The following PPP6R3 variants were observed in gnomAD, a reference collection of about 807,000 sequenced individuals.
PPP6R3 encodes the protein protein phosphatase 6 regulatory subunit 3, also known as serine/threonine-protein phosphatase 6 regulatory subunit 3.
Under a neutral mutation model 110.7 loss-of-function variants are expected in PPP6R3, and 38 were observed. The ratio of observed to expected loss-of-function variants is 0.34; its 90% CI spans 0.26 to 0.45. The LOEUF is 0.45. Among genes scored for constraint, PPP6R3 ranks in the 20% least tolerant of loss-of-function variants. The pLI is 1.00. For missense variants in PPP6R3, 870 were observed against 1,062.4 expected, an observed-to-expected ratio of 0.82 and a Z score of 2.52; for synonymous variants, 369 against 373.5, an observed-to-expected ratio of 0.99 and a Z score of 0.14.
intron 21 of PPP6R3, 52 bp from the exon 22 acceptor site, chr11:68,603,290 C>T: frequency 1.2e-6 from 2 of 1,603,110 alleles, no homozygotes; most frequent in Non-Finnish European, 1.7e-6. Context: ...TGGTGGGGTG[C>T]CAGTTCCTTT....
At chr11:68,519,145 A>G (rs2099151407) in intron 1 of PPP6R3, among the ~76,000 whole-genome samples, 1 of 152,210 alleles carries the variant, frequency 6.6e-6, no homozygotes, top group African/African-American at 2.4e-5. Context: ...ATTTTTTAGT[A>G]AAAGTGTGGT....
chr11:68,564,304 T>C lies in PPP6R3; in HGVS notation c.847T>C (p.Phe283Leu). Residue 283 changes from phenylalanine to leucine, a missense_variant and splice_region_variant, in exon 9 of 24, where the codon TTT becomes CTT. Phe to Leu is a conservative substitution (Grantham distance 22). Transcript: ENST00000393800. ...LTLLETRRPT[F>L]EGHIEICPPG... ...TAAAATTCCTTGCTTTGTTTCAAGA[T>C]TTGAAGGCCATATAGAGATCTGCCC... The C allele has an allele frequency of 3.1e-6, 5 of 1,603,744 alleles. No individual in the cohort carries two copies. Among genetic ancestry groups the C allele is most frequent in the Non-Finnish European group, 4.3e-6 (5 of 1,174,866 alleles).
chr11:68,481,894 G>A (rs1406173306), intron 1 of PPP6R3, among the ~76,000 whole-genome samples: 1 of 152,044 alleles, frequency 6.6e-6, no homozygotes, highest in Non-Finnish European at 1.5e-5. Flanking sequence ...TGAGTGTGAG[G>A]TAGTCATCTT....
intron 1 of PPP6R3, among the ~76,000 whole-genome samples, chr11:68,515,557 A>G (rs1266446994): frequency 6.6e-6 from 1 of 152,282 alleles, no homozygotes; most frequent in Non-Finnish European, 1.5e-5. Flanking sequence ...TCACAAAGTT[A>G]TCCAGTCAAT....
intron 1 of PPP6R3, among the ~76,000 whole-genome samples, chr11:68,466,453 T>G (rs917687497): frequency 9.5e-5 from 14 of 147,990 alleles, no homozygotes; most frequent in African/African-American, 2.8e-4. Flanking sequence ...TTTTTTTTTT[T>G]GTTGAGACGG....
chr11:68,564,558 A>G (rs1308705779), intron 9 of PPP6R3, 126 bp downstream of exon 9: 6 of 1,025,024 alleles, frequency 5.9e-6, no homozygotes, highest in South Asian at 1.9e-5. Flanking sequence ...GAGTGAAAAG[A>G]TAACACTGCC....
rs1384850913 is a variant in PPP6R3 at position 68,615,177 on chromosome 11, G to T, written c.*2060G>T. On this transcript the variant is annotated 3_prime_UTR_variant, in exon 24 of 24. Transcript: ENST00000393800. Reference sequence around the variant, plus strand: ...AGGACAGTTCTTTTGGAGGTTGGAGGGGCCAAGCCAAGGACAGGAGCAAGT... The same window carrying T: ...AGGACAGTTCTTTTGGAGGTTGGAGTGGCCAAGCCAAGGACAGGAGCAAGT... The T allele has an allele frequency of 2.5e-5, 11 of 442,496 alleles. No individual in the cohort carries two copies. Among genetic ancestry groups the T allele is most frequent in the Non-Finnish European group, 4.6e-5 (10 of 218,244 alleles). 27.4% of individuals were successfully genotyped at this position (442,496 alleles called of 1,614,324 possible).
intron 3 of PPP6R3, among the ~76,000 whole-genome samples, chr11:68,542,361 G>A (rs764786831): frequency 1.4e-5 from 2 of 142,164 alleles, no homozygotes; most frequent in South Asian, 2.3e-4. Flanking sequence ...GTGGAGTGGA[G>A]GCATCTTTGG....
At chr11:68,553,049 C>A (rs1185772249) in intron 6 of PPP6R3, among the ~76,000 whole-genome samples, 3 of 152,154 alleles carry the variant, frequency 2.0e-5, no homozygotes, top group Non-Finnish European at 4.4e-5. Context: ...ATGCTAGGCT[C>A]CTGATTCCAG....
chr11:68,609,396 G>A, intron 22 of PPP6R3: 1 of 703,302 alleles, frequency 1.4e-6, no homozygotes, highest in South Asian at 1.5e-5. Context: ...AGCTGATGGG[G>A]TCTGTCTTGC....
At chr11:68,590,536 T>C in intron 16 of PPP6R3, 124 bp from the exon 17 acceptor site, 5 of 1,116,732 alleles carry the variant, frequency 4.5e-6, no homozygotes, top group African/African-American at 1.6e-5. Flanking sequence ...TTTCTGTTTG[T>C]TTTTTATTTA....
intron 1 of PPP6R3, among the ~76,000 whole-genome samples, chr11:68,492,824 G>A (rs1165886725): frequency 1.3e-5 from 2 of 152,130 alleles, no homozygotes; most frequent in Non-Finnish European, 2.9e-5. Context: ...AAGCATTGTT[G>A]GTTGCTTAAA....
At chr11:68,523,491 G>T (rs755833100) in intron 2 of PPP6R3, among the ~76,000 whole-genome samples, 2 of 152,150 alleles carry the variant, frequency 1.3e-5, no homozygotes, top group African/African-American at 2.4e-5. Context: ...CCTAAGTTAT[G>T]GTCCTTTTTT....
chr11:68,600,316 A>T (rs555592868), intron 19 of PPP6R3, 25 bp from the exon 20 acceptor site: 1 of 1,607,704 alleles, frequency 6.2e-7, no homozygotes, highest in Non-Finnish European at 8.5e-7. Flanking sequence ...GTGTTTTCCA[A>T]ATAGAATTTC....
intron 2 of PPP6R3, among the ~76,000 whole-genome samples, chr11:68,529,082 T>C (rs910688412): frequency 6.6e-6 from 1 of 152,240 alleles, no homozygotes; most frequent in African/African-American, 2.4e-5. Flanking sequence ...TTCTAGTTTT[T>C]TGTCCACATT....
At chr11:68,514,438 CTG>C (rs2099125957) in intron 1 of PPP6R3, among the ~76,000 whole-genome samples, 1 of 151,964 alleles carries the variant, frequency 6.6e-6, no homozygotes, top group African/African-American at 2.4e-5. Context: ...CTGCTCATGA[CTG>C]TTAGTCTACC....
chr11:68,541,778 A>G (rs2099316875), intron 3 of PPP6R3, among the ~76,000 whole-genome samples: 1 of 151,832 alleles, frequency 6.6e-6, no homozygotes, highest in Admixed American at 6.6e-5. Context: ...GCAAGAGGAG[A>G]ACCTGGGGGC....
chr11:68,472,097 G>A (rs1007072470), intron 1 of PPP6R3, among the ~76,000 whole-genome samples: 2 of 152,310 alleles, frequency 1.3e-5, no homozygotes, highest in Admixed American at 6.5e-5. Context: ...AAGACAGCAC[G>A]ATTTGTTATT....
chr11:68,532,143 C>A (rs1448778608), intron 2 of PPP6R3, among the ~76,000 whole-genome samples: 1 of 152,164 alleles, frequency 6.6e-6, no homozygotes, highest in Non-Finnish European at 1.5e-5. Flanking sequence ...TGCTTGAATG[C>A]CTTGAATTCA....
Sources: gnomAD v4.1 joint callset for allele counts (sites outside exome capture counted in the v4.1 genomes callset) on GRCh38, gnomAD v4.1.1 for gene constraint, MANE v1.5 for transcripts, NCBI Gene and HGNC (gene_info 2026-07-23, HGNC 2026-07-21) for gene names.